Variants in DOCK10 observed in about 807,000 individuals in gnomAD.
DOCK10 encodes dedicator of cytokinesis 10, also known as dedicator of cytokinesis protein 10.
A neutral mutation model predicts 280.1 loss-of-function variants in DOCK10; 145 were observed. The ratio of observed to expected loss-of-function variants is 0.52; its 90% CI spans 0.45 to 0.59. DOCK10 has a LOEUF of 0.59. DOCK10 is among the 20% of genes least tolerant of loss of function. The pLI is 0.00. For synonymous variants in DOCK10, 915 were observed against 942.2 expected, an observed-to-expected ratio of 0.97 and a Z score of 0.53; for missense variants, 2,368 against 2,651.7, an observed-to-expected ratio of 0.89 and a Z score of 2.35.
intron 53 of DOCK10, among the ~76,000 whole-genome samples, chr2:224,771,925 T>C (rs941206131): frequency 6.6e-6 from 1 of 151,780 alleles, no homozygotes; most frequent in Non-Finnish European, 1.5e-5. Context: ...GGCTTTTTTT[T>C]TTTTTTATTT....
chr2:224,845,117 A>T (rs2125493757), intron 21 of DOCK10, 86 bp downstream of exon 21: 5 of 1,372,940 alleles, frequency 3.6e-6, no homozygotes, highest in Non-Finnish European at 4.0e-6. Context: ...GTCCACTATG[A>T]TCTTAAGTAG....
intron 45 of DOCK10, among the ~76,000 whole-genome samples, 163 bp downstream of exon 45, chr2:224,794,716 G>T (rs766292450): frequency 2.6e-5 from 4 of 152,108 alleles, no homozygotes; most frequent in Non-Finnish European, 5.9e-5. Flanking sequence ...AGGTATCCTT[G>T]AATGCTATAT....
At chr2:224,884,566 G>T (rs573457181) in intron 7 of DOCK10, among the ~76,000 whole-genome samples, 1 of 152,204 alleles carries the variant, frequency 6.6e-6, no homozygotes, top group Non-Finnish European at 1.5e-5. Flanking sequence ...ATGTCCAAAT[G>T]GGGTCTATGG....
At chr2:224,849,454 A>C in intron 19 of DOCK10, 53 bp downstream of exon 19, 1 of 1,336,060 alleles carries the variant, frequency 7.5e-7, no homozygotes, top group African/African-American at 1.4e-5. Flanking sequence ...TTATCTGAAC[A>C]TTTACCCACC....
Position 224,765,817 on chromosome 2 carries a change from C to A in DOCK10, c.6465G>T (p.Leu2155=). ...AGGTTTGGTCCACTCCGCGCTTTGA[C>A]AGGTCGTCCCTGCCCGTAATCTTAA... The part of the protein sequence containing the change: ...MNEQITGRDD[L]SKRGVDQTCT... The change falls in exon 56 of 56, where the codon CTG becomes CTT. Residue 2155 remains leucine (L), a synonymous_variant. Coordinates refer to ENST00000258390, the MANE Select transcript of DOCK10 (RefSeq NM_014689.3). 1 of 1,613,788 alleles carries A rather than the reference C, an allele frequency of 6.2e-7. No individual in the cohort carries two copies. The highest frequency in any genetic ancestry group is 8.5e-7 in the Non-Finnish European group (1 of 1,179,828).
chr2:224,981,417 A>G (rs1278163902), intron 1 of DOCK10, among the ~76,000 whole-genome samples: 1 of 152,192 alleles, frequency 6.6e-6, no homozygotes, highest in Non-Finnish European at 1.5e-5. Flanking sequence ...AAGAGAAAAA[A>G]GTCGATTATG....
At chr2:224,967,569 T>G (rs1048972066) in intron 1 of DOCK10, among the ~76,000 whole-genome samples, 8 of 152,212 alleles carry the variant, frequency 5.3e-5, no homozygotes, top group Non-Finnish European at 1.2e-4. Context: ...AAGTACGTTA[T>G]AATAGCCAGT....
intron 1 of DOCK10, among the ~76,000 whole-genome samples, chr2:224,974,129 C>T (rs1250976337): frequency 1.3e-5 from 2 of 152,108 alleles, no homozygotes; most frequent in Non-Finnish European, 2.9e-5. Flanking sequence ...TCTGTGTCTG[C>T]CACCAAACTG....
chr2:224,856,720 G>T, intron 15 of DOCK10, 140 bp downstream of exon 15: 1 of 666,532 alleles, frequency 1.5e-6, no homozygotes, highest in South Asian at 3.0e-5. Context: ...GTGCTATTTG[G>T]GCATATGTGA....
At chr2:224,867,266 C>T (rs1282410499) in intron 11 of DOCK10, among the ~76,000 whole-genome samples, 1 of 152,188 alleles carries the variant, frequency 6.6e-6, no homozygotes, top group Non-Finnish European at 1.5e-5. Context: ...TGCGGGATCT[C>T]ATTACCATGA....
chr2:224,952,551 A>AT (rs1396911949), intron 1 of DOCK10, among the ~76,000 whole-genome samples: 1 of 152,166 alleles, frequency 6.6e-6, no homozygotes, highest in Non-Finnish European at 1.5e-5. Flanking sequence ...AACAAAGTCA[A>AT]TATACTATGT....
chr2:224,947,138 T>C, intron 1 of DOCK10: 1 of 1,049,772 alleles, frequency 9.5e-7, no homozygotes, highest in Non-Finnish European at 1.3e-6. Context: ...TGTGAGTAAC[T>C]AACTACCAGC....
Position 225,042,187 on chromosome 2 carries a change from C to T in DOCK10, c.123+65G>A, listed in dbSNP as rs1690451577. On this transcript the variant is annotated intron_variant, in intron 1 of 55. Transcript: ENST00000258390. This position sits in a 1 kb window ranked among gnomAD's most constrained non-coding sequence, Gnocchi z 5.1. ...TGGGCCCGCCGAGCTTTTGGGGAAG[C>T]TGGGCTCCGTTCCCCCCGGGCGCCT... is the stretch of plus-strand genomic sequence containing the variant. 1.6e-6 allele frequency: 2 copies of T among 1,220,480 alleles called. No individual in the cohort carries two copies. Among genetic ancestry groups the T allele is most frequent in the African/African-American group, 1.6e-5 (1 of 63,718 alleles). 75.6% of individuals were successfully genotyped at this position (1,220,480 alleles called of 1,614,324 possible). A position where few individuals can be genotyped will look rare whatever the true frequency, so the allele number is the denominator to read the frequency against.
At chr2:224,973,924 G>A (rs1705243249) in intron 1 of DOCK10, among the ~76,000 whole-genome samples, 1 of 152,136 alleles carries the variant, frequency 6.6e-6, no homozygotes, top group Admixed American at 6.5e-5. Context: ...TGGTTTCTGG[G>A]TACAGAGGTT....
intron 7 of DOCK10, among the ~76,000 whole-genome samples, chr2:224,884,721 A>G (rs1376462630): frequency 6.6e-6 from 1 of 152,242 alleles, no homozygotes; most frequent in African/African-American, 2.4e-5. Context: ...GAATCAGTGG[A>G]ATCCTTGTCT....
At chr2:224,842,212 A>T (rs537245695) in intron 22 of DOCK10, among the ~76,000 whole-genome samples, 2 of 152,282 alleles carry the variant, frequency 1.3e-5, no homozygotes, top group East Asian at 3.9e-4. Context: ...TTCTTCATTT[A>T]TCTTCCCACT....
chr2:224,790,863 A>G (rs1447157806), intron 47 of DOCK10, among the ~76,000 whole-genome samples: 1 of 152,210 alleles, frequency 6.6e-6, no homozygotes, highest in African/African-American at 2.4e-5. Flanking sequence ...AAGGGCTTCA[A>G]ATACATGCCA....
chr2:224,806,167 A>G lies in DOCK10; in HGVS notation c.3773T>C (p.Val1258Ala), dbSNP rs1301521344. ...AACATCTTTAGAAAATGATGTATCC[A>G]CAGAGTTTGCATGTTTGATAGCTGT... ...SQTAIKHANSVDTSFSKDVLN... is the reference protein window; with the variant it reads ...SQTAIKHANSADTSFSKDVLN... Residue 1258 changes from valine (V) to alanine (A), a missense_variant, in exon 34 of 56, where the codon GTG becomes GCG. Transcript: ENST00000258390. 1.2e-6 allele frequency: 2 copies of G among 1,610,896 alleles called. No homozygotes were observed. Among genetic ancestry groups the G allele is most frequent in the East Asian group, 4.5e-5 (2 of 44,806 alleles).
chr2:224,922,664 C>T (rs1701829125), intron 2 of DOCK10, among the ~76,000 whole-genome samples: 1 of 152,154 alleles, frequency 6.6e-6, no homozygotes, highest in Non-Finnish European at 1.5e-5. Flanking sequence ...TCGTTACAGC[C>T]ACCAATCTGC....
Sources: gnomAD v4.1 joint callset for allele counts (sites outside exome capture counted in the v4.1 genomes callset) on GRCh38, gnomAD v4.1.1 for gene constraint, Gnocchi (gnomAD v3.1) non-coding constraint, MANE v1.5 for transcripts, NCBI Gene and HGNC (gene_info 2026-07-23, HGNC 2026-07-21) for gene names.